Variants in CSMD1 observed in about 807,000 individuals in gnomAD.
CSMD1 encodes CUB and Sushi multiple domains 1, also known as CUB and sushi domain-containing protein 1.
CSMD1 carries 213 observed loss-of-function variants against 417.5 expected under a neutral mutation model. The ratio of observed to expected loss-of-function variants is 0.51; its 90% CI spans 0.46 to 0.57. CSMD1 has a LOEUF of 0.57. Among genes scored for constraint, CSMD1 ranks in the 20% least tolerant of loss-of-function variants. The probability of loss-of-function intolerance (pLI) is 0.00; values close to 1 mark genes in which losing one functional copy is unlikely to be tolerated. For missense variants in CSMD1, 6,923 were observed against 4,529.7 expected (o/e 1.53, Z -15.17); for synonymous variants, 2,862 against 1,736.8 (o/e 1.65, Z -16.11).
chr8:3,095,785 C>T (rs1030794505), intron 47 of CSMD1, among the ~76,000 whole-genome samples: 5 of 152,152 alleles, frequency 3.3e-5, no homozygotes, highest in African/African-American at 1.2e-4. Flanking sequence ...CGGTTTCACA[C>T]AAAGAGAAAT....
At chr8:3,456,165 C>A (rs1362809754) in intron 12 of CSMD1, among the ~76,000 whole-genome samples, 1 of 152,170 alleles carries the variant, frequency 6.6e-6, no homozygotes, top group Non-Finnish European at 1.5e-5. Context: ...TAGAAAAGCA[C>A]AGTATTAGGG....
chr8:3,294,542 T>G (rs1803819730), intron 25 of CSMD1, among the ~76,000 whole-genome samples: 1 of 139,508 alleles, frequency 7.2e-6, no homozygotes, highest in African/African-American at 2.5e-5. Flanking sequence ...TCCCCCAGCC[T>G]CGCTGCAGCC....
intron 1 of CSMD1, among the ~76,000 whole-genome samples, chr8:4,704,890 A>G (rs571895169): frequency 6.6e-6 from 1 of 152,142 alleles, no homozygotes; most frequent in African/African-American, 2.4e-5. Context: ...ATGGTAAAGA[A>G]AACTGCTTAA....
chr8:4,169,643 G>C (rs1403262259), intron 3 of CSMD1, among the ~76,000 whole-genome samples: 2 of 152,082 alleles, frequency 1.3e-5, no homozygotes, highest in African/African-American at 4.8e-5. Context: ...GCTGCTGCAG[G>C]GACGCCATGA....
At chr8:4,236,035 G>GTTTTTTTTT (rs869046913) in intron 3 of CSMD1, among the ~76,000 whole-genome samples, 22 of 112,608 alleles carry the variant, frequency 2.0e-4, no homozygotes, top group African/African-American at 4.7e-4. Context: ...TGTTTTTTTT[G>GTTTTTTTTT]TTTGTTTTTT....
intron 1 of CSMD1, among the ~76,000 whole-genome samples, chr8:4,891,238 G>A (rs1361166068): frequency 2.0e-5 from 3 of 152,080 alleles, no homozygotes; most frequent in Non-Finnish European, 4.4e-5. Context: ...AATTCTATGT[G>A]CAAATAATTG....
At chr8:3,229,800 G>A (rs1225482080) in intron 27 of CSMD1, among the ~76,000 whole-genome samples, 1 of 152,064 alleles carries the variant, frequency 6.6e-6, no homozygotes, top group Non-Finnish European at 1.5e-5. Context: ...ATTTGTTAAG[G>A]GTAGGAAATA....
intron 3 of CSMD1, among the ~76,000 whole-genome samples, chr8:4,057,606 C>T (rs568005445): frequency 6.1e-4 from 92 of 151,710 alleles, no homozygotes; most frequent in African/African-American, 2.1e-3. Context: ...GAAGTCCTTG[C>T]CCATGCCTAT....
chr8:4,916,315 T>G (rs1375086196), intron 1 of CSMD1, among the ~76,000 whole-genome samples: 1 of 152,212 alleles, frequency 6.6e-6, no homozygotes, highest in Non-Finnish European at 1.5e-5. Flanking sequence ...CAGCAGATAT[T>G]GTTGACAATG....
rs573209669 is a variant in CSMD1, at chr8:3,685,879, C to T, written c.1009+22535G>A. The stretch of plus-strand genomic sequence containing the variant: ...ATGGAGAATGGGGTATCCATCCCAT[C>T]AAACATTTATTGTTCGTGTTACAAA... On this transcript the variant is annotated intron_variant, in intron 7 of 69. Coordinates refer to ENST00000635120, the MANE Select transcript of CSMD1 (RefSeq NM_033225.6). 4.1e-4 allele frequency among the ~76,000 whole-genome samples: 62 copies of T among 152,212 alleles called. 1 individual carries two copies. Among genetic ancestry groups the T allele is most frequent in the Middle Eastern group, 3.4e-3 (1 of 294 alleles).
Position 4,201,890 on chromosome 8 carries a change from G to C in CSMD1, c.416-169791C>G, listed in dbSNP as rs1284583647. The stretch of plus-strand genomic sequence containing the variant: ...TGACCATTATACATGGAAATTTTGG[G>C]GGGGGGGGGCGCTGCATTCATTTGC... On this transcript the variant is annotated intron_variant, in intron 3 of 69. Coordinates refer to ENST00000635120, the MANE Select transcript of CSMD1 (RefSeq NM_033225.6). Among the ~76,000 whole-genome samples, 11 of 148,326 alleles carry C rather than the reference G, an allele frequency of 7.4e-5. No homozygotes were observed. In the East Asian group the frequency reaches 8.3e-4, roughly 11 times the overall value.
chr8:3,886,185 G>T (rs1303190909), intron 5 of CSMD1, among the ~76,000 whole-genome samples: 1 of 152,088 alleles, frequency 6.6e-6, no homozygotes, highest in Non-Finnish European at 1.5e-5. Context: ...GAGTAGGTGG[G>T]ATTACAGGTG....
At chr8:4,751,156 G>C (rs1400839845) in intron 1 of CSMD1, among the ~76,000 whole-genome samples, 1 of 152,194 alleles carries the variant, frequency 6.6e-6, no homozygotes, top group African/African-American at 2.4e-5. Context: ...AGGCCGAGGT[G>C]GGTGGATCAC....
chr8:4,595,387 C>CTTTTTTTTTTTTTTTCTTTTTTTT, intron 2 of CSMD1, among the ~76,000 whole-genome samples: 14 of 147,414 alleles, frequency 9.5e-5, no homozygotes, highest in South Asian at 4.4e-4. Context: ...CATTCATTTT[C>CTTTTTTTTTTTTTTTCTTTTTTTT]ATTCCATCCA....
chr8:4,849,235 G>C (rs1296313123), intron 1 of CSMD1, among the ~76,000 whole-genome samples: 1 of 149,686 alleles, frequency 6.7e-6, no homozygotes, highest in Non-Finnish European at 1.5e-5. Context: ...TATAAAGAAA[G>C]AAAATATTAT....
intron 7 of CSMD1, among the ~76,000 whole-genome samples, chr8:3,633,810 A>G (rs1235087802): frequency 6.6e-6 from 1 of 152,228 alleles, no homozygotes; most frequent in Non-Finnish European, 1.5e-5. Flanking sequence ...CACTTGATGC[A>G]TAGCTTGTAA....
intron 26 of CSMD1, among the ~76,000 whole-genome samples, chr8:3,275,956 G>C (rs1802256840): frequency 6.6e-6 from 1 of 152,178 alleles, no homozygotes; most frequent in African/African-American, 2.4e-5. Context: ...GTTCAGCTTT[G>C]TTCCGTTGCT....
intron 2 of CSMD1, among the ~76,000 whole-genome samples, chr8:4,492,213 C>T (rs1362701906): frequency 6.6e-6 from 1 of 152,158 alleles, no homozygotes; most frequent in East Asian, 1.9e-4. Context: ...CCTCAGCCTC[C>T]TGAGCAGCTG....
chr8:4,774,240 T>G (rs1401182811), intron 1 of CSMD1, among the ~76,000 whole-genome samples: 2 of 152,164 alleles, frequency 1.3e-5, no homozygotes, highest in Non-Finnish European at 2.9e-5. Context: ...TCCTTTTAAA[T>G]AGACAGCATT....
Sources: allele counts gnomAD v4.1 joint callset (sites outside exome capture counted in the v4.1 genomes callset), GRCh38; gene constraint gnomAD v4.1.1; transcripts MANE v1.5; gene names NCBI Gene and HGNC (gene_info 2026-07-23, HGNC 2026-07-21).